Variants in SUGCT observed in about 807,000 individuals in gnomAD.
SUGCT encodes the protein succinyl-CoA:glutarate-CoA transferase, also known as succinyl-CoA:glutarate CoA-transferase.
A neutral mutation model predicts 55.0 loss-of-function variants in SUGCT; 41 were observed. That is an observed-to-expected ratio of 0.74 (90% CI 0.58 to 0.97). The LOEUF is 0.97. Among genes scored for constraint, SUGCT ranks in the 50% least tolerant of loss-of-function variants. The probability of loss-of-function intolerance (pLI) is 0.00; values close to 1 mark genes in which losing one functional copy is unlikely to be tolerated. For synonymous variants in SUGCT, 187 were observed against 200.4 expected, an observed-to-expected ratio of 0.93 and a Z score of 0.56; for missense variants, 568 against 547.8, an observed-to-expected ratio of 1.04 and a Z score of -0.37.
intron 13 of SUGCT, among the ~76,000 whole-genome samples, chr7:40,836,716 CTTT>C (rs1584512384): frequency 6.6e-6 from 1 of 152,114 alleles, no homozygotes; most frequent in African/African-American, 2.4e-5. Flanking sequence ...CACGTAACTT[CTTT>C]ATTTTGGCTT....
chr7:40,476,743 A>C (rs944746033), intron 11 of SUGCT, among the ~76,000 whole-genome samples: 1 of 151,926 alleles, frequency 6.6e-6, no homozygotes. Flanking sequence ...ATTATATTGA[A>C]TATTACTGTA....
the SUGCT span, among the ~76,000 whole-genome samples, chr7:40,924,352 C>T: frequency 6.6e-6 from 1 of 151,648 alleles, no homozygotes; most frequent in African/African-American, 2.4e-5. Flanking sequence ...GTGATCCCCC[C>T]ACCTCAGCTT....
the SUGCT span, among the ~76,000 whole-genome samples, chr7:40,883,143 C>T: frequency 1.3e-5 from 2 of 152,202 alleles, no homozygotes; most frequent in African/African-American, 4.8e-5. Context: ...TTCATCAGAA[C>T]TCACCATGCT....
chr7:40,309,718 A>G (rs759441931), intron 8 of SUGCT, among the ~76,000 whole-genome samples: 2 of 152,196 alleles, frequency 1.3e-5, no homozygotes, highest in Non-Finnish European at 2.9e-5. Flanking sequence ...GGGAAAGGAA[A>G]TAGGAAGATG....
chr7:40,838,469 A>C (rs1388408776), intron 13 of SUGCT, among the ~76,000 whole-genome samples: 1 of 152,222 alleles, frequency 6.6e-6, no homozygotes, highest in Non-Finnish European at 1.5e-5. Flanking sequence ...AGCATACTTA[A>C]AAGCTTTGTT....
intron 9 of SUGCT, among the ~76,000 whole-genome samples, chr7:40,330,581 CCT>C (rs1796253879): frequency 6.6e-6 from 1 of 151,810 alleles, no homozygotes; most frequent in African/African-American, 2.4e-5. Flanking sequence ...CATGGTTTTT[CCT>C]CTGTTTCAGT....
intron 9 of SUGCT, among the ~76,000 whole-genome samples, chr7:40,347,559 CAA>C (rs1479238768): frequency 6.6e-6 from 1 of 152,120 alleles, no homozygotes; most frequent in Non-Finnish European, 1.5e-5. Flanking sequence ...TTGTTAAGCA[CAA>C]AGATACTAGA....
At chr7:40,670,169 C>CAAAA (rs34786531) in intron 12 of SUGCT, among the ~76,000 whole-genome samples, 181 of 58,158 alleles carry the variant, frequency 3.1e-3, no homozygotes, top group African/African-American at 5.1e-3. Context: ...GACTCCATCT[C>CAAAA]AAAAAAAAAA....
At chr7:40,149,535 T>G (rs1190027704) in intron 1 of SUGCT, among the ~76,000 whole-genome samples, 2 of 152,196 alleles carry the variant, frequency 1.3e-5, no homozygotes, top group African/African-American at 4.8e-5. Context: ...ATGCCCGTAA[T>G]CCCAGCACTT....
chr7:40,307,881 A>G (rs58365475), intron 8 of SUGCT, among the ~76,000 whole-genome samples: 4,447 of 152,272 alleles, frequency 0.029, 206 homozygotes, highest in African/African-American at 0.1. Context: ...TTTGACATGT[A>G]AAGTAACAGT....
intron 3 of SUGCT, among the ~76,000 whole-genome samples, chr7:40,187,805 C>G (rs909147685): frequency 6.6e-6 from 1 of 151,906 alleles, no homozygotes; most frequent in Non-Finnish European, 1.5e-5. Context: ...TGGTGGTGCA[C>G]GCCTGTAATC....
At chr7:40,916,588 A>G in the SUGCT span, among the ~76,000 whole-genome samples, 6 of 152,216 alleles carry the variant, frequency 3.9e-5, no homozygotes, top group Admixed American at 3.9e-4. Flanking sequence ...AACTGAATCT[A>G]GGTCTACACT....
At chr7:40,346,735 A>T (rs1797333901) in intron 9 of SUGCT, among the ~76,000 whole-genome samples, 2 of 152,162 alleles carry the variant, frequency 1.3e-5, no homozygotes, top group South Asian at 4.1e-4. Context: ...TTATGGTTAA[A>T]TGACGTCATG....
intron 8 of SUGCT, among the ~76,000 whole-genome samples, chr7:40,310,904 A>G (rs1005383418): frequency 1.3e-5 from 2 of 152,060 alleles, no homozygotes; most frequent in African/African-American, 2.4e-5. Context: ...GTTTGATATT[A>G]TTTCCGATTT....
the SUGCT span, among the ~76,000 whole-genome samples, chr7:40,957,614 C>G: frequency 1.3e-5 from 2 of 151,962 alleles, no homozygotes; most frequent in Non-Finnish European, 2.9e-5. Flanking sequence ...TAGTCTATGT[C>G]TTTTAATTGG....
At chr7:40,313,411 C>T (rs192936549) in intron 8 of SUGCT, among the ~76,000 whole-genome samples, 2 of 152,240 alleles carry the variant, frequency 1.3e-5, no homozygotes, top group East Asian at 3.9e-4. Context: ...TTTTTTCATA[C>T]ATAATCACAT....
chr7:40,514,803 C>T (rs1031590736), intron 12 of SUGCT, among the ~76,000 whole-genome samples: 35 of 150,828 alleles, frequency 2.3e-4, no homozygotes, highest in Middle Eastern at 3.5e-3. Context: ...CTCTTTACCA[C>T]GGCATACTTT....
At chr7:40,338,084 T>C (rs4510748) in intron 9 of SUGCT, among the ~76,000 whole-genome samples, 20,216 of 152,232 alleles carry the variant, frequency 0.13, 1,751 homozygotes, top group Middle Eastern at 0.21. Flanking sequence ...GCCCCCACTC[T>C]CTTCTGGCTT....
intron 9 of SUGCT, among the ~76,000 whole-genome samples, chr7:40,440,703 C>T (rs931036357): frequency 2.0e-5 from 3 of 152,062 alleles, no homozygotes; most frequent in Non-Finnish European, 4.4e-5. Context: ...TTCCTGGCTT[C>T]AGCGCTCCCA....
Sources: allele counts gnomAD v4.1 joint callset (sites outside exome capture counted in the v4.1 genomes callset), GRCh38; gene constraint gnomAD v4.1.1; transcripts MANE v1.5; gene names NCBI Gene and HGNC (gene_info 2026-07-23, HGNC 2026-07-21).